Variants in CPLX2 observed in about 807,000 individuals in gnomAD.
CPLX2 encodes complexin-2.
A neutral mutation model predicts 16.3 loss-of-function variants in CPLX2; 5 were observed. The ratio of observed to expected loss-of-function variants is 0.31; its 90% CI spans 0.16 to 0.64. The LOEUF (loss-of-function observed/expected upper bound fraction) is 0.64, where lower values mean the gene tolerates loss of function less well. CPLX2 is among the 30% of genes least tolerant of loss of function. The pLI is 0.79. For synonymous variants in CPLX2, 89 were observed against 73.2 expected (o/e 1.22, Z -1.10); for missense variants, 144 against 181.4 (o/e 0.79, Z 1.18).
intron 2 of CPLX2, among the ~76,000 whole-genome samples, chr5:175,818,141 G>GGA (rs1333989911): frequency 6.6e-6 from 1 of 152,210 alleles, no homozygotes; most frequent in Non-Finnish European, 1.5e-5. Context: ...CTGAGATAAA[G>GGA]GAAAGTTCAA....
At chr5:175,824,394 C>T (rs911999138) in intron 2 of CPLX2, among the ~76,000 whole-genome samples, 8 of 152,212 alleles carry the variant, frequency 5.3e-5, no homozygotes, top group Admixed American at 3.3e-4. Context: ...AAAGTGCCCT[C>T]CCTTCTTCTA....
At chr5:175,799,110 T>C (rs745519167) in intron 1 of CPLX2, among the ~76,000 whole-genome samples, 1 of 152,210 alleles carries the variant, frequency 6.6e-6, no homozygotes, top group Non-Finnish European at 1.5e-5. Flanking sequence ...CTCAACAGGT[T>C]TTACCATGCC....
chr5:175,805,350 T>A (rs1188760149), intron 1 of CPLX2: 1 of 152,152 alleles, frequency 6.6e-6, no homozygotes, highest in East Asian at 1.9e-4. Flanking sequence ...CTAAAATCTG[T>A]GTCAGCAACA....
intron 2 of CPLX2, among the ~76,000 whole-genome samples, chr5:175,826,285 G>C (rs1045062823): frequency 6.6e-6 from 1 of 152,132 alleles, no homozygotes; most frequent in Admixed American, 6.5e-5. Flanking sequence ...TGCAAAGATG[G>C]GACCACATGA....
rs967754555 is a variant in CPLX2 at position 175,818,110 on chromosome 5, A to G, written c.-89+9042A>G. Among the ~76,000 whole-genome samples, 13 of 152,314 alleles carry G rather than the reference A, an allele frequency of 8.5e-5. No homozygotes were observed. In the East Asian group the frequency reaches 2.5e-3, roughly 29 times the overall value. On this transcript the variant is annotated intron_variant, in intron 2 of 4. Coordinates refer to the CPLX2 transcript ENST00000359546. ...AGTGGGCAGGCATGTAGATGATAAC[A>G]TGGAAACCATTTGAGTATTGCTGAG...
At position 175,848,529 on chromosome 5, in the gene CPLX2, GT is replaced by G. The variant is rs1374725051; in HGVS notation, c.-88-30122del. On this transcript the variant is annotated intron_variant, in intron 2 of 4. Transcript: ENST00000359546. ...AGGGCACGAGGGAGGCATGGGCAGAGTAAGACTCAGAGGACTCAGGGGCTAT... is the reference window on the plus strand; with the variant it reads ...AGGGCACGAGGGAGGCATGGGCAGAGAAGACTCAGAGGACTCAGGGGCTAT... Among the ~76,000 whole-genome samples the G allele has an allele frequency of 1.3e-5, 2 of 152,190 alleles. 1 individual carries two copies. Among genetic ancestry groups the G allele is most frequent in the Admixed American group, 1.3e-4 (2 of 15,282 alleles).
At chr5:175,829,521 C>A (rs1445643002) in intron 2 of CPLX2, among the ~76,000 whole-genome samples, 1 of 152,186 alleles carries the variant, frequency 6.6e-6, no homozygotes, top group Non-Finnish European at 1.5e-5. Context: ...CACCTTCCCT[C>A]GGACTTCTGC....
intron 1 of CPLX2, among the ~76,000 whole-genome samples, chr5:175,797,088 C>T (rs1336506174): frequency 6.6e-6 from 1 of 152,150 alleles, no homozygotes; most frequent in Non-Finnish European, 1.5e-5. Context: ...CACCCTCCGC[C>T]CTGGTTCCGC....
chr5:175,853,531 GC>G (rs1183962888), intron 2 of CPLX2, among the ~76,000 whole-genome samples: 1 of 152,178 alleles, frequency 6.6e-6, no homozygotes, highest in Non-Finnish European at 1.5e-5. Context: ...TCCAGCACAG[GC>G]TCCCACAGGC....
intron 2 of CPLX2, among the ~76,000 whole-genome samples, chr5:175,818,228 G>C (rs1034063896): frequency 7.2e-5 from 11 of 152,068 alleles, no homozygotes; most frequent in African/African-American, 2.4e-4. Context: ...ACAGAAAGTC[G>C]GGAGAAAAGG....
intron 2 of CPLX2, among the ~76,000 whole-genome samples, chr5:175,833,929 CTGCAGGGCACTTAGTT>C (rs1758777437): frequency 6.6e-6 from 1 of 152,114 alleles, no homozygotes; most frequent in South Asian, 2.1e-4. Context: ...GCCCAGGTTC[CTGCAGGGCACTTAGTT>C]TCCATGCATG....
chr5:175,823,370 G>A (rs1758548592), intron 2 of CPLX2, among the ~76,000 whole-genome samples: 1 of 152,112 alleles, frequency 6.6e-6, no homozygotes, highest in Admixed American at 6.5e-5. Context: ...ATAGATGAGG[G>A]TAGGTGAATG....
rs1373304098 is a variant in CPLX2 at position 175,879,855 on chromosome 5, TGAA to T, written c.223_225del (p.Lys75del). ...TGCCCTCCCCCTCCCCAGTATGGGC[TGAA>T]GAAGAAGGAGGAGAAGGAAGCAGAG... On this transcript the variant is annotated inframe_deletion, in exon 4 of 4. Coordinates refer to ENST00000393745, the MANE Select transcript of CPLX2 (RefSeq NM_001008220.2). The T allele has an allele frequency of 7.4e-6, 12 of 1,611,138 alleles. No individual in the cohort carries two copies. Among genetic ancestry groups the T allele is most frequent in the African/African-American group, 2.7e-5 (2 of 74,882 alleles).
intron 2 of CPLX2, among the ~76,000 whole-genome samples, chr5:175,813,977 T>C (rs13186881): frequency 0.17 from 25,242 of 152,206 alleles, 2,373 homozygotes; most frequent in Middle Eastern, 0.3. Flanking sequence ...CATTCCTGTT[T>C]ATGAGAAGGA....
chr5:175,866,341 A>G (rs1581099142), intron 2 of CPLX2, among the ~76,000 whole-genome samples: 1 of 152,246 alleles, frequency 6.6e-6, no homozygotes, highest in East Asian at 1.9e-4. Context: ...GGAGGAGAGG[A>G]GACAGAAGTC....
At chr5:175,836,867 C>A (rs1354099308) in intron 2 of CPLX2, among the ~76,000 whole-genome samples, 1 of 152,244 alleles carries the variant, frequency 6.6e-6, no homozygotes, top group African/African-American at 2.4e-5. Flanking sequence ...GTGCCAATGT[C>A]ACACCCACTT....
chr5:175,877,260 T>C (rs1759782092), intron 1 of CPLX2, among the ~76,000 whole-genome samples: 1 of 151,570 alleles, frequency 6.6e-6, no homozygotes, highest in African/African-American at 2.4e-5. Context: ...TGACTTTCTC[T>C]TCCCAAAACA....
intron 2 of CPLX2, among the ~76,000 whole-genome samples, chr5:175,831,157 T>G (rs1561777058): frequency 6.6e-6 from 1 of 152,132 alleles, no homozygotes; most frequent in Non-Finnish European, 1.5e-5. Context: ...TGTGCATGTG[T>G]GTGGGTGTAA....
At chr5:175,868,784 C>T (rs1759525860), upstream of CPLX2, among the ~76,000 whole-genome samples, 1 of 151,614 alleles carries the variant, frequency 6.6e-6, no homozygotes, top group African/African-American at 2.4e-5. Context: ...GCAAAAGTTA[C>T]ATTTCCATAG....
Sources: allele counts gnomAD v4.1 joint callset (sites outside exome capture counted in the v4.1 genomes callset), GRCh38; gene constraint gnomAD v4.1.1; transcripts MANE v1.5; gene names NCBI Gene and HGNC (gene_info 2026-07-23, HGNC 2026-07-21).